KNDC1: variants seen among roughly 807,000 people sequenced by gnomAD.
KNDC1 encodes kinase non-catalytic C-lobe domain containing 1.
In KNDC1, 106 loss-of-function variants were observed where a neutral mutation model predicts 172.8. The observed-to-expected ratio is 0.61, with a 90% CI of 0.52 to 0.72. The LOEUF (loss-of-function observed/expected upper bound fraction) is 0.72, where lower values mean the gene tolerates loss of function less well. Ranked by LOEUF, KNDC1 falls within the 30% of genes least tolerant of loss-of-function variation. The pLI, the probability that KNDC1 is intolerant of heterozygous loss-of-function variation, is 0.00. For synonymous variants in KNDC1, 1,083 were observed against 1,062.2 expected, an observed-to-expected ratio of 1.02 and a Z score of -0.38; for missense variants, 2,325 against 2,394.5, an observed-to-expected ratio of 0.97 and a Z score of 0.61.
At chr10:133,180,479 A>G (rs1209462797) in intron 3 of KNDC1, among the ~76,000 whole-genome samples, 2 of 152,278 alleles carry the variant, frequency 1.3e-5, no homozygotes, top group Non-Finnish European at 2.9e-5. Flanking sequence ...GGTGCCCTCC[A>G]AGTTCACACC....
intron 3 of KNDC1, among the ~76,000 whole-genome samples, chr10:133,171,564 C>A (rs995145671): frequency 1.3e-5 from 2 of 148,948 alleles, no homozygotes; most frequent in African/African-American, 2.5e-5. Flanking sequence ...GAGCCACTGG[C>A]CCCGGCCAAT....
At chr10:133,180,010 C>T (rs2135966861) in intron 3 of KNDC1, among the ~76,000 whole-genome samples, 1 of 152,330 alleles carries the variant, frequency 6.6e-6, no homozygotes. Context: ...TGCCCGTGGT[C>T]CAGCCTCGTC....
Position 133,186,666 on chromosome 10 carries a change from G to C in KNDC1, c.1318G>C (p.Ala440Pro). 6.3e-7 allele frequency: 1 copy of C among 1,581,240 alleles called. No homozygotes were observed. The highest frequency in any genetic ancestry group is 8.5e-7 in the Non-Finnish European group (1 of 1,171,954). ...EGARQLESAA[A>P]EQWVSLQDLL... ...AGCTAGGCAGCTGGAAAGTGCAGCC[G>C]CGGAGCAGGTGGGTGCCTGGGTCTT... The change falls in exon 6 of 30, where the codon GCG (alanine) becomes CCG (proline). Residue 440 changes from alanine (A) to proline (P), a missense_variant. Transcript: ENST00000304613.
intron 1 of KNDC1, among the ~76,000 whole-genome samples, chr10:133,164,866 C>T (rs1853097232): frequency 6.6e-6 from 1 of 152,188 alleles, no homozygotes. Context: ...TGAGTGCTGC[C>T]TGTGTCTCTC....
Position 133,183,325 on chromosome 10 carries a change from C to T in KNDC1, c.361-19C>T. ...GCACACGCAGAGACTCTGGAGCTGACAGCCTGTCGTGCCCACAGGCGCACA... is the reference window on the plus strand; with the variant it reads ...GCACACGCAGAGACTCTGGAGCTGATAGCCTGTCGTGCCCACAGGCGCACA... On this transcript the variant is annotated intron_variant, in intron 3 of 29. Transcript: ENST00000304613. 6.3e-7 allele frequency: 1 copy of T among 1,577,534 alleles called. No homozygotes were observed.
intron 3 of KNDC1, among the ~76,000 whole-genome samples, chr10:133,181,256 G>A (rs538039141): frequency 3.5e-4 from 53 of 152,376 alleles, no homozygotes; most frequent in African/African-American, 1.2e-3. Flanking sequence ...GCATCAGAGC[G>A]GAGGGGACGG....
Position 133,160,559 on chromosome 10 carries a change from C to T in KNDC1, c.92C>T (p.Pro31Leu), listed in dbSNP as rs971349253. 29 of 1,577,916 alleles carry T rather than the reference C, an allele frequency of 1.8e-5. No homozygotes were observed. The highest frequency in any genetic ancestry group is 2.5e-5 in the Non-Finnish European group (29 of 1,163,604). ...FYDFEPLPTL[P>L]EDEENVSLAD... Reference sequence around the variant, plus strand: ...GACTTCGAGCCGCTGCCCACCCTCCCCGAGGACGAGGTGAGCCCCCGGCCC... The same window carrying T: ...GACTTCGAGCCGCTGCCCACCCTCCTCGAGGACGAGGTGAGCCCCCGGCCC... Residue 31 changes from proline (P) to leucine (L), a missense_variant, in exon 1 of 30, where the codon CCC becomes CTC. By Grantham distance (98) the Pro-to-Leu change is moderately conservative. Transcript: ENST00000304613.
intron 9 of KNDC1, among the ~76,000 whole-genome samples, chr10:133,194,475 G>A (rs1854134659): frequency 6.6e-6 from 1 of 152,190 alleles, no homozygotes. Flanking sequence ...TGGAAACTGG[G>A]TACAAAGTAC....
At chr10:133,206,579 C>A in intron 17 of KNDC1, 106 bp from the exon 18 acceptor site, 3 of 905,392 alleles carry the variant, frequency 3.3e-6, no homozygotes, top group Admixed American at 1.9e-5. Context: ...TGCCCTGCAG[C>A]TGATCTCCAA....
In KNDC1 at chr10:133,224,160, G is replaced by A. The variant is rs1266608366; in HGVS notation, c.5019-499G>A. Among the ~76,000 whole-genome samples, 1 of 152,188 alleles carries A rather than the reference G, an allele frequency of 6.6e-6. No individual in the cohort carries two copies. The highest frequency in any genetic ancestry group is 1.5e-5 in the Non-Finnish European group (1 of 68,036). On this transcript the variant is annotated intron_variant, in intron 29 of 29. Transcript: ENST00000304613. This position sits in a 1 kb window ranked among gnomAD's most constrained non-coding sequence, Gnocchi z 5.4. ...CAGGGCGTCTGTCTGTGGCATCAGT[G>A]TCCCCAGGCCTGGCTGAGGGCTCCT...
chr10:133,212,791 G>A lies in KNDC1; in HGVS notation c.4312G>A (p.Ala1438Thr). 1 of 1,613,962 alleles carries A rather than the reference G, an allele frequency of 6.2e-7. No homozygotes were observed. Among genetic ancestry groups the A allele is most frequent in the Non-Finnish European group, 8.5e-7 (1 of 1,179,946 alleles). ...PHKERPYTIA[A>T]ALPKPCFLED... ...CAAGGAGCGCCCCTACACCATTGCT[G>A]CCGCCCTGCCCAAGCCCTGCTTCCT... The change falls in exon 24 of 30, where the codon GCC becomes ACC. Residue 1438 changes from alanine (A) to threonine (T), a missense_variant. Ala to Thr is a moderately conservative substitution (Grantham distance 58, BLOSUM62 0). Coordinates refer to ENST00000304613, the MANE Select transcript of KNDC1 (RefSeq NM_152643.8).
Position 133,167,464 on chromosome 10 carries a change from C to T in KNDC1, c.186C>T (p.Cys62=), listed in dbSNP as rs1472417791. The change falls in exon 2 of 30, where the codon TGC becomes TGT. Residue 62 remains cysteine (C), a synonymous_variant. Coordinates refer to ENST00000304613, the MANE Select transcript of KNDC1 (RefSeq NM_152643.8). The stretch of plus-strand genomic sequence containing the variant: ...AAGCCTGGGCCGTGTGCCTGGAGTG[C>T]AGCCTGTCCATGCGGAGCGTGGCCC... ...EQEAWAVCLE[C]SLSMRSVAHA... 3 of 1,606,472 alleles carry T rather than the reference C, an allele frequency of 1.9e-6. No homozygotes were observed. The highest frequency in any genetic ancestry group is 2.5e-6 in the Non-Finnish European group (3 of 1,177,530).
At chr10:133,219,552 C>G (rs1269798703) in intron 28 of KNDC1, among the ~76,000 whole-genome samples, 1 of 152,278 alleles carries the variant, frequency 6.6e-6, no homozygotes, top group African/African-American at 2.4e-5. Context: ...GCCCCAGCCA[C>G]AGCTGTCCAC....
chr10:133,186,308 C>T lies in KNDC1; in HGVS notation c.960C>T (p.Leu320=). The change falls in exon 6 of 30, where the codon CTC becomes CTT. Residue 320 remains leucine (L), a synonymous_variant. Coordinates refer to ENST00000304613, the MANE Select transcript of KNDC1 (RefSeq NM_152643.8). Reference sequence around the variant, plus strand: ...TGTCCGACAGCCCCGAGGCCACCCTCTGCCTGCCGCTGACCCGCGGGAAAA... The same window carrying T: ...TGTCCGACAGCCCCGAGGCCACCCTTTGCCTGCCGCTGACCCGCGGGAAAA... ...RLLSDSPEAT[L]CLPLTRGKSQ... 2 of 1,612,234 alleles carry T rather than the reference C, an allele frequency of 1.2e-6. No homozygotes were observed. The highest frequency in any genetic ancestry group is 8.5e-7 in the Non-Finnish European group (1 of 1,179,806).
chr10:133,180,985 T>C (rs1005188490), intron 3 of KNDC1, among the ~76,000 whole-genome samples: 19 of 152,240 alleles, frequency 1.2e-4, no homozygotes, highest in Non-Finnish European at 2.8e-4. Flanking sequence ...TTGTCGCAGC[T>C]GTCAGAATTG....
Position 133,186,103 on chromosome 10 carries a change from G to A in KNDC1, c.755G>A (p.Arg252Gln), listed in dbSNP as rs201213037. 6.5e-3 allele frequency: 10,365 copies of A among 1,597,360 alleles called. 43 individuals are homozygous for A. The highest frequency in any genetic ancestry group is 8.1e-3 in the Non-Finnish European group (9,443 of 1,172,922). ...TPEGPESETS[R>Q]GPRASPTKAL... The stretch of plus-strand genomic sequence containing the variant: ...GAAGGCCCGGAGTCTGAGACGAGCC[G>A]GGGCCCCAGAGCCTCCCCAACCAAG... Residue 252 changes from arginine to glutamine, a missense_variant, in exon 6 of 30, where the codon CGG (arginine) becomes CAG (glutamine). Coordinates refer to ENST00000304613, the MANE Select transcript of KNDC1 (RefSeq NM_152643.8).
chr10:133,182,966 ACAGGCGG>A (rs1368141922), intron 3 of KNDC1, among the ~76,000 whole-genome samples: 6 of 140,302 alleles, frequency 4.3e-5, no homozygotes, highest in African/African-American at 1.6e-4. Flanking sequence ...CGGTGTGGGC[ACAGGCGG>A]TGTGGGCACA....
At chr10:133,201,388 G>A in intron 16 of KNDC1, 113 bp from the exon 17 acceptor site, 1 of 1,199,884 alleles carries the variant, frequency 8.3e-7, no homozygotes, top group Non-Finnish European at 1.2e-6. Context: ...GTGGGCGGGT[G>A]CAAGAGAGAA....
Position 133,224,880 on chromosome 10 carries a change from C to A in KNDC1, c.5240C>A (p.Thr1747Lys). The change falls in exon 30 of 30, where the codon ACA becomes AAA. Residue 1747 changes from threonine to lysine, a missense_variant. Transcript: ENST00000304613. The surrounding 1 kb of genome is among the most constrained non-coding windows in gnomAD (Gnocchi z 5.4). ...IQDKLRRMKA[T>K]FQ ...GACAAGCTACGGAGGATGAAGGCTACATTCCAGTAGCCGAGCTCGGGCCTG... is the reference window on the plus strand; with the variant it reads ...GACAAGCTACGGAGGATGAAGGCTAAATTCCAGTAGCCGAGCTCGGGCCTG... 1 of 1,612,520 alleles carries A rather than the reference C, an allele frequency of 6.2e-7. No homozygotes were observed. Among genetic ancestry groups the A allele is most frequent in the Non-Finnish European group, 8.5e-7 (1 of 1,178,992 alleles).
Sources: gnomAD v4.1 joint callset for allele counts (sites outside exome capture counted in the v4.1 genomes callset) on GRCh38, gnomAD v4.1.1 for gene constraint, Gnocchi (gnomAD v3.1) non-coding constraint, MANE v1.5 for transcripts, NCBI Gene and HGNC (gene_info 2026-07-23, HGNC 2026-07-21) for gene names.